Variants in RALGAPA1 observed in about 807,000 individuals in gnomAD.
RALGAPA1 encodes the protein ral GTPase-activating protein subunit alpha-1.
A neutral mutation model predicts 269.6 loss-of-function variants in RALGAPA1; 52 were observed. The observed-to-expected ratio is 0.19, with a 90% confidence interval of 0.15 to 0.24. RALGAPA1 has a LOEUF of 0.24. RALGAPA1 is among the 10% of genes least tolerant of loss of function. The pLI is 1.00. For synonymous variants in RALGAPA1, 817 were observed against 1,008.3 expected (o/e 0.81, Z 3.60); for missense variants, 1,917 against 3,013.9 (o/e 0.64, Z 8.52).
intron 16 of RALGAPA1, among the ~76,000 whole-genome samples, chr14:35,702,284 T>C (rs1220002417): frequency 6.6e-6 from 1 of 152,196 alleles, no homozygotes; most frequent in African/African-American, 2.4e-5. Context: ...ACTAAATGCA[T>C]TTCATAGTTT....
At chr14:35,551,936 G>A (rs932766666) in intron 39 of RALGAPA1, among the ~76,000 whole-genome samples, 2 of 152,150 alleles carry the variant, frequency 1.3e-5, no homozygotes. Flanking sequence ...AGAGTGAAGG[G>A]AAGCAATCAT....
At chr14:35,696,740 GT>G (rs879632378) in intron 17 of RALGAPA1, among the ~76,000 whole-genome samples, 14 of 150,960 alleles carry the variant, frequency 9.3e-5, no homozygotes, top group Non-Finnish European at 1.9e-4. Flanking sequence ...TTTCATTGAG[GT>G]TTTTTTTTGG....
chr14:35,692,512 A>T (rs2066566834), intron 17 of RALGAPA1, among the ~76,000 whole-genome samples: 1 of 150,972 alleles, frequency 6.6e-6, no homozygotes, highest in African/African-American at 2.4e-5. Flanking sequence ...TTTTCCTAAA[A>T]CTTGTTACCA....
chr14:35,556,156 A>G (rs995090038), intron 39 of RALGAPA1, among the ~76,000 whole-genome samples: 2 of 152,210 alleles, frequency 1.3e-5, no homozygotes, highest in Non-Finnish European at 1.5e-5. Flanking sequence ...TGAAAAAAGA[A>G]TGAAAAATAA....
intron 17 of RALGAPA1, among the ~76,000 whole-genome samples, chr14:35,693,965 C>A (rs940242534): frequency 6.6e-6 from 1 of 151,884 alleles, no homozygotes; most frequent in Non-Finnish European, 1.5e-5. Flanking sequence ...AAAAAGTACT[C>A]CTTTCCACTA....
In RALGAPA1 at chr14:35,549,228, C is replaced by T; in HGVS notation, c.7503G>A (p.Glu2501=). The T allele has an allele frequency of 6.2e-7, 1 of 1,611,960 alleles. No individual in the cohort carries two copies. Among genetic ancestry groups the T allele is most frequent in the Non-Finnish European group, 8.5e-7 (1 of 1,178,708 alleles). ...TTGTTTGCAGGTATCGTGCTCTCTC[C>T]TCATAGCTGATTTCCTTTGGTTAAG... ...SLIPLYQNFY[E]ERARYLQTIV... The change falls in exon 40 of 42, where the codon GAG becomes GAA. Residue 2501 remains glutamate (E), a synonymous_variant. Coordinates refer to ENST00000680220, the MANE Select transcript of RALGAPA1 (RefSeq NM_001346249.2).
At position 35,591,063 on chromosome 14, in the gene RALGAPA1, A is replaced by C. The variant is rs1418783389; in HGVS notation, c.7209+4571T>G. Among the ~76,000 whole-genome samples, 4 of 152,310 alleles carry C rather than the reference A, an allele frequency of 2.6e-5. No homozygotes were observed. In the East Asian group the frequency reaches 7.7e-4, roughly 29 times the overall value. On this transcript the variant is annotated intron_variant, in intron 37 of 41. Transcript: ENST00000680220. ...AAACCAAATATGAGTTGAATACATA[A>C]AACTGTACTCTGAGGTATCTCTGTA...
At chr14:35,554,339 T>C (rs961842910) in intron 39 of RALGAPA1, among the ~76,000 whole-genome samples, 1 of 62,156 alleles carries the variant, frequency 1.6e-5, no homozygotes, top group Non-Finnish European at 2.5e-5. Flanking sequence ...ATACACTTTC[T>C]TTTTTTTTTT....
chr14:35,712,888 G>A (rs1367281393), intron 16 of RALGAPA1, among the ~76,000 whole-genome samples: 2 of 152,128 alleles, frequency 1.3e-5, no homozygotes, highest in African/African-American at 4.8e-5. Context: ...ACTCCAGGTT[G>A]GTTCATTTTC....
At chr14:35,753,649 G>A (rs80274026) in intron 7 of RALGAPA1, among the ~76,000 whole-genome samples, 2,752 of 152,192 alleles carry the variant, frequency 0.018, 81 homozygotes, top group African/African-American at 0.062. Context: ...AATATATAGA[G>A]ACAGAAAATC....
intron 3 of RALGAPA1, among the ~76,000 whole-genome samples, chr14:35,773,900 G>C (rs1035530965): frequency 1.3e-5 from 2 of 151,730 alleles, no homozygotes; most frequent in Non-Finnish European, 2.9e-5. Flanking sequence ...AAATACTAAA[G>C]AGTGAATTAT....
chr14:35,628,004 A>G, intron 33 of RALGAPA1, 53 bp from the exon 34 acceptor site: 1 of 1,492,992 alleles, frequency 6.7e-7, no homozygotes. Context: ...CTAGGGAATC[A>G]TATGACAATG....
At chr14:35,662,028 T>C (rs1343173703) in intron 27 of RALGAPA1, among the ~76,000 whole-genome samples, 3 of 152,186 alleles carry the variant, frequency 2.0e-5, no homozygotes, top group Non-Finnish European at 4.4e-5. Flanking sequence ...AATGTTCTAA[T>C]ATTGACTGTG....
intron 27 of RALGAPA1, among the ~76,000 whole-genome samples, chr14:35,660,468 G>A (rs189462413): frequency 4.6e-5 from 7 of 152,080 alleles, no homozygotes; most frequent in Admixed American, 2.6e-4. Context: ...AGACCTGTAC[G>A]CGGAAAACTA....
intron 15 of RALGAPA1, 121 bp downstream of exon 15, chr14:35,722,906 C>A: frequency 5.6e-6 from 3 of 539,598 alleles, no homozygotes; most frequent in Non-Finnish European, 9.8e-6. Flanking sequence ...TTGTTTAATT[C>A]TTAAAAATAA....
intron 39 of RALGAPA1, among the ~76,000 whole-genome samples, chr14:35,554,676 T>C (rs1337611810): frequency 1.3e-5 from 2 of 152,210 alleles, no homozygotes; most frequent in Non-Finnish European, 2.9e-5. Flanking sequence ...ATAGTTTTTA[T>C]ACCCGATTCT....
In RALGAPA1 at chr14:35,684,991, A is replaced by G. The variant is rs1159301377; in HGVS notation, c.4232T>C (p.Ile1411Thr). Residue 1411 changes from isoleucine to threonine, a missense_variant, in exon 20 of 42, where the codon ATC becomes ACC. By Grantham distance (89) the Ile-to-Thr change is moderately conservative. Coordinates refer to ENST00000680220, the MANE Select transcript of RALGAPA1 (RefSeq NM_001346249.2). Reference sequence around the variant, plus strand: ...AGAATCCGAATGACTATCTGAGCTGATAAGATCACTGCTCCCTGCACTGGC... The same window carrying G: ...AGAATCCGAATGACTATCTGAGCTGGTAAGATCACTGCTCCCTGCACTGGC... ...SPASAGSSDL[I>T]SSDSHSDSFS... The G allele has an allele frequency of 3.1e-6, 5 of 1,613,518 alleles. No individual in the cohort carries two copies. In the African/African-American group the frequency reaches 4.0e-5, roughly 13 times the overall value.
intron 26 of RALGAPA1, among the ~76,000 whole-genome samples, 165 bp from the exon 27 acceptor site, chr14:35,664,932 C>G (rs993252287): frequency 1.3e-5 from 2 of 152,170 alleles, no homozygotes; most frequent in Non-Finnish European, 2.9e-5. Context: ...TTTATACTTT[C>G]CACATAAACT....
intron 17 of RALGAPA1, among the ~76,000 whole-genome samples, chr14:35,697,250 T>C (rs957896674): frequency 1.3e-5 from 2 of 152,374 alleles, no homozygotes; most frequent in South Asian, 4.1e-4. Context: ...GGAACCTTAA[T>C]GGCACAGGAT....
Sources: gnomAD v4.1 joint callset for allele counts (sites outside exome capture counted in the v4.1 genomes callset) on GRCh38, gnomAD v4.1.1 for gene constraint, MANE v1.5 for transcripts, NCBI Gene and HGNC (gene_info 2026-07-23, HGNC 2026-07-21) for gene names.